The following MBD5 variants were observed in gnomAD, a reference collection of about 807,000 sequenced individuals.
The protein encoded by MBD5 is methyl-CpG binding domain protein 5.
Under a neutral mutation model 117.3 loss-of-function variants are expected in MBD5, and 13 were observed. The ratio of observed to expected loss-of-function variants is 0.11; its 90% CI spans 0.07 to 0.18. The LOEUF (loss-of-function observed/expected upper bound fraction) is 0.18, where lower values mean the gene tolerates loss of function less well. MBD5 is among the 10% of genes least tolerant of loss of function. The pLI, the probability that MBD5 is intolerant of heterozygous loss-of-function variation, is 1.00. For synonymous variants in MBD5, 727 were observed against 766.4 expected, an observed-to-expected ratio of 0.95 and a Z score of 0.85; for missense variants, 1,879 against 2,093.8, an observed-to-expected ratio of 0.90 and a Z score of 2.00.
chr2:148,462,137 G>A (rs908034864), intron 5 of MBD5, among the ~76,000 whole-genome samples: 1 of 152,134 alleles, frequency 6.6e-6, no homozygotes, highest in South Asian at 2.1e-4. Flanking sequence ...AACTTTTGTG[G>A]ACTTGCCAAC....
At chr2:148,124,224 G>A (rs1189792487) in intron 1 of MBD5, among the ~76,000 whole-genome samples, 1 of 152,158 alleles carries the variant, frequency 6.6e-6, no homozygotes, top group Non-Finnish European at 1.5e-5. Context: ...AGGTTGCAGT[G>A]AGCCAAGATC....
At chr2:148,201,317 C>G (rs1461135124) in intron 2 of MBD5, among the ~76,000 whole-genome samples, 1 of 152,236 alleles carries the variant, frequency 6.6e-6, no homozygotes, top group Non-Finnish European at 1.5e-5. Flanking sequence ...TTGCAAGTGA[C>G]TCCCACAGTG....
chr2:148,508,182 C>A (rs1036075300), intron 12 of MBD5, among the ~76,000 whole-genome samples: 2 of 152,160 alleles, frequency 1.3e-5, no homozygotes, highest in Admixed American at 6.5e-5. Context: ...GCTTGCTTGG[C>A]AGACACCTCA....
chr2:148,188,976 G>C (rs527809610), intron 2 of MBD5, among the ~76,000 whole-genome samples: 22 of 150,616 alleles, frequency 1.5e-4, no homozygotes, highest in African/African-American at 1.2e-4. Context: ...TTCCCTTTCC[G>C]AGTCAAAGAA....
chr2:148,053,342 G>A (rs994191597), intron 1 of MBD5, among the ~76,000 whole-genome samples: 1 of 152,012 alleles, frequency 6.6e-6, no homozygotes, highest in African/African-American at 2.4e-5. Context: ...TACATTTAAA[G>A]TTTTTTATTG....
At chr2:148,511,926 A>G (rs974209308) in intron 13 of MBD5, among the ~76,000 whole-genome samples, 1 of 152,240 alleles carries the variant, frequency 6.6e-6, no homozygotes, top group African/African-American at 2.4e-5. Context: ...GCCAACTTGT[A>G]GTGGATCCGG....
chr2:148,385,687 A>G (rs377653724), intron 4 of MBD5, among the ~76,000 whole-genome samples: 18,783 of 151,536 alleles, frequency 0.12, 1,534 homozygotes, highest in Non-Finnish European at 0.19. Context: ...ACTATTCACA[A>G]TAGCAAAGAC....
rs777664178 is a variant in MBD5 at position 148,483,117 on chromosome 2, A to C, written c.2526A>C (p.Ser842=). 1 of 1,610,108 alleles carries C rather than the reference A, an allele frequency of 6.2e-7. No individual in the cohort carries two copies. Among genetic ancestry groups the C allele is most frequent in the Non-Finnish European group, 8.5e-7 (1 of 1,179,700 alleles). The change falls in exon 9 of 14, where the codon TCA becomes TCC. Residue 842 remains serine, a synonymous_variant. Coordinates refer to ENST00000642680, the MANE Select transcript of MBD5 (RefSeq NM_001378120.1). ...TTTTTTTTTTCATTTTAGGCGGTTC[A>C]GGACCATCATCCTCCATAGCCATAG... is the stretch of plus-strand genomic sequence containing the variant. ...YNQTSSEAGG[S]GPSSSIAIAG... is the part of the protein sequence containing the mutation.
At chr2:148,052,882 A>G (rs1413200764) in intron 1 of MBD5, among the ~76,000 whole-genome samples, 1 of 150,584 alleles carries the variant, frequency 6.6e-6, no homozygotes, top group Non-Finnish European at 1.5e-5. Flanking sequence ...CTGTCACTTG[A>G]GTCCAGGAGG....
At chr2:148,328,539 C>G (rs1300655900) in intron 3 of MBD5, among the ~76,000 whole-genome samples, 1 of 152,238 alleles carries the variant, frequency 6.6e-6, no homozygotes, top group African/African-American at 2.4e-5. Context: ...GATATAATCT[C>G]CTGGTGCACC....
At chr2:148,107,728 A>G (rs1032586357) in intron 1 of MBD5, among the ~76,000 whole-genome samples, 3 of 152,012 alleles carry the variant, frequency 2.0e-5, no homozygotes, top group East Asian at 1.9e-4. Context: ...AAACAGTTAT[A>G]TTGTATGTAT....
At chr2:148,253,815 G>A (rs1207888623) in intron 3 of MBD5, among the ~76,000 whole-genome samples, 1 of 152,142 alleles carries the variant, frequency 6.6e-6, no homozygotes. Context: ...AGACAATAGT[G>A]GCTCCAAGCC....
intron 4 of MBD5, among the ~76,000 whole-genome samples, chr2:148,368,842 C>G (rs973087665): frequency 6.6e-6 from 1 of 151,990 alleles, no homozygotes; most frequent in Non-Finnish European, 1.5e-5. Context: ...ATTATCCCTT[C>G]TATTAGATGC....
intron 1 of MBD5, among the ~76,000 whole-genome samples, chr2:148,023,038 A>G (rs751543412): frequency 3.3e-5 from 5 of 150,718 alleles, no homozygotes; most frequent in Non-Finnish European, 5.9e-5. Flanking sequence ...ATGGATGCAC[A>G]CATGCATATA....
At chr2:148,282,630 G>A (rs1282040136) in intron 3 of MBD5, among the ~76,000 whole-genome samples, 2 of 151,556 alleles carry the variant, frequency 1.3e-5, no homozygotes, top group Non-Finnish European at 2.9e-5. Flanking sequence ...GCCATTACTC[G>A]TACAGTGGAG....
Position 148,157,568 on chromosome 2 carries a change from A to C in MBD5, c.-924-21132A>C, listed in dbSNP as rs1697905315. On this transcript the variant is annotated intron_variant, in intron 1 of 13. Transcript: ENST00000642680. ...AGCCTGCAAAGCATCCGCCATAAAA[A>C]CTACTACAAATGCCTCATAGATAAC... 3.3e-5 allele frequency among the ~76,000 whole-genome samples: 5 copies of C among 152,164 alleles called. 1 individual carries two copies. The South Asian group carries it at 1.0e-3, about 32-fold the overall frequency.
At chr2:148,102,936 A>G (rs950982144) in intron 1 of MBD5, among the ~76,000 whole-genome samples, 25 of 152,170 alleles carry the variant, frequency 1.6e-4, no homozygotes, top group Admixed American at 1.2e-3. Flanking sequence ...AAAAAAGTAT[A>G]CAAAAGAAAC....
chr2:148,392,227 A>G (rs939771891), intron 4 of MBD5, among the ~76,000 whole-genome samples: 4 of 152,214 alleles, frequency 2.6e-5, no homozygotes, highest in African/African-American at 7.2e-5. Context: ...AGACAGCGAC[A>G]TAGCATGAAT....
intron 4 of MBD5, among the ~76,000 whole-genome samples, chr2:148,441,108 T>G (rs1171101193): frequency 6.6e-6 from 1 of 152,172 alleles, no homozygotes; most frequent in Non-Finnish European, 1.5e-5. Flanking sequence ...ATTTTAATTT[T>G]TTTTTATTTA....
Sources: gnomAD v4.1 joint callset for allele counts (sites outside exome capture counted in the v4.1 genomes callset) on GRCh38, gnomAD v4.1.1 for gene constraint, MANE v1.5 for transcripts, NCBI Gene and HGNC (gene_info 2026-07-23, HGNC 2026-07-21) for gene names.